Variants in PLCB4 observed in about 807,000 individuals in gnomAD.
PLCB4 encodes the protein phospholipase C beta 4, also known as 1-phosphatidylinositol 4,5-bisphosphate phosphodiesterase beta-4.
In PLCB4, 77 loss-of-function variants were observed where a neutral mutation model predicts 178.8. The ratio of observed to expected loss-of-function variants is 0.43; its 90% confidence interval spans 0.36 to 0.52. The LOEUF is 0.52. Ranked by LOEUF, PLCB4 falls within the 20% of genes least tolerant of loss-of-function variation. PLCB4 has a pLI of 0.00. For missense variants in PLCB4, 1,024 were observed against 1,453.4 expected, an observed-to-expected ratio of 0.70 and a Z score of 4.80; for synonymous variants, 496 against 490.8, an observed-to-expected ratio of 1.01 and a Z score of -0.14.
intron 3 of PLCB4, among the ~76,000 whole-genome samples, chr20:9,285,969 C>A (rs1316809907): frequency 6.6e-6 from 1 of 152,002 alleles, no homozygotes; most frequent in East Asian, 1.9e-4. Flanking sequence ...ACATTATAGG[C>A]ATGTCTGTTT....
rs528348609 is a variant in PLCB4, at chr20:9,193,898, G to A, written c.-78-23492G>A. Among the ~76,000 whole-genome samples, 5 of 152,122 alleles carry A rather than the reference G, an allele frequency of 3.3e-5. No homozygotes were observed. The South Asian group carries it at 1.0e-3, about 32-fold the overall frequency. On this transcript the variant is annotated intron_variant, in intron 2 of 39. Coordinates refer to ENST00000378473, the MANE Select transcript of PLCB4 (RefSeq NM_001377142.1). ...TTCATCTATATTCTAGGTTTTCTCA[G>A]TGTTAGACCATTAGACCTCATGATC... is the stretch of plus-strand genomic sequence containing the variant.
At chr20:9,439,588 G>A (rs933221517) in intron 30 of PLCB4, among the ~76,000 whole-genome samples, 1 of 152,174 alleles carries the variant, frequency 6.6e-6, no homozygotes, top group Admixed American at 6.5e-5. Context: ...GTATAGAAAA[G>A]CTTTGGAGTT....
At chr20:9,335,691 C>T (rs2032353751) in intron 4 of PLCB4, among the ~76,000 whole-genome samples, 1 of 152,094 alleles carries the variant, frequency 6.6e-6, no homozygotes, top group Non-Finnish European at 1.5e-5. Context: ...ACTTGTTAGA[C>T]AAGGATTCTG....
intron 4 of PLCB4, among the ~76,000 whole-genome samples, chr20:9,317,150 A>T (rs974205993): frequency 6.6e-6 from 1 of 152,240 alleles, no homozygotes; most frequent in African/African-American, 2.4e-5. Flanking sequence ...AAGACAAACA[A>T]TGCCACATAG....
intron 2 of PLCB4, among the ~76,000 whole-genome samples, chr20:9,134,572 C>T (rs1490869974): frequency 2.6e-5 from 4 of 151,930 alleles, no homozygotes; most frequent in African/African-American, 9.7e-5. Context: ...GATAGTGTGC[C>T]CAGAAAGACA....
At chr20:9,312,817 A>G (rs558367380) in intron 4 of PLCB4, among the ~76,000 whole-genome samples, 3 of 152,336 alleles carry the variant, frequency 2.0e-5, no homozygotes, top group African/African-American at 7.2e-5. Context: ...AGTTTTGTCA[A>G]TTAGATACAA....
intron 33 of PLCB4, 22 bp downstream of exon 33, chr20:9,453,484 T>C: frequency 7.4e-7 from 1 of 1,351,204 alleles, no homozygotes; most frequent in South Asian, 1.2e-5. Flanking sequence ...TATTTCCTTC[T>C]GAAGACTTTC....
rs905054494 is a variant in PLCB4, at chr20:9,358,777, C to G, written c.370-4119C>G. On this transcript the variant is annotated intron_variant, in intron 7 of 39. Transcript: ENST00000378473. ...AGCCGAGAGTGGTGGTGGGCACCCACAATCCCATCTACTCATGAGGCTGAG... is the reference window on the plus strand; with the variant it reads ...AGCCGAGAGTGGTGGTGGGCACCCAGAATCCCATCTACTCATGAGGCTGAG... 3.9e-5 allele frequency among the ~76,000 whole-genome samples: 6 copies of G among 152,052 alleles called. 1 individual carries two copies. Among genetic ancestry groups the G allele is most frequent in the African/African-American group, 1.4e-4 (6 of 41,402 alleles).
chr20:9,443,683 G>C (rs1229236383), intron 30 of PLCB4, among the ~76,000 whole-genome samples: 1 of 152,088 alleles, frequency 6.6e-6, no homozygotes. Flanking sequence ...CCTCTGCCCT[G>C]CTCCACTTCT....
At chr20:9,104,554 A>G (rs2091294676) in intron 2 of PLCB4, among the ~76,000 whole-genome samples, 1 of 152,154 alleles carries the variant, frequency 6.6e-6, no homozygotes, top group African/African-American at 2.4e-5. Context: ...TCAATTTCCT[A>G]GAACATAGCT....
At chr20:9,213,543 G>A (rs539385442) in intron 2 of PLCB4, among the ~76,000 whole-genome samples, 30 of 152,288 alleles carry the variant, frequency 2.0e-4, no homozygotes, top group East Asian at 1.5e-3. Context: ...CGTACTACAC[G>A]TTTTGTTAAT....
chr20:9,179,205 A>G (rs1019703044), intron 2 of PLCB4, among the ~76,000 whole-genome samples: 4 of 152,142 alleles, frequency 2.6e-5, no homozygotes, highest in African/African-American at 7.2e-5. Context: ...GTATTTTTCC[A>G]TTGTGCAGGT....
At chr20:9,351,029 A>G (rs1485972206) in intron 7 of PLCB4, among the ~76,000 whole-genome samples, 1 of 152,230 alleles carries the variant, frequency 6.6e-6, no homozygotes, top group African/African-American at 2.4e-5. Context: ...AGTGGCCTGA[A>G]AAAAGGATTC....
chr20:9,184,408 A>T (rs374720929), intron 2 of PLCB4, among the ~76,000 whole-genome samples: 1 of 151,184 alleles, frequency 6.6e-6, no homozygotes, highest in Admixed American at 6.6e-5. Context: ...TCCAGGTGAA[A>T]CCCCCAGCAT....
At chr20:9,365,064 C>T (rs1227827753) in intron 8 of PLCB4, among the ~76,000 whole-genome samples, 1 of 152,178 alleles carries the variant, frequency 6.6e-6, no homozygotes, top group Non-Finnish European at 1.5e-5. Context: ...GCAGACCAAT[C>T]ACAAATAAGT....
intron 3 of PLCB4, among the ~76,000 whole-genome samples, chr20:9,222,502 A>G (rs2093812354): frequency 6.6e-6 from 1 of 152,198 alleles, no homozygotes; most frequent in South Asian, 2.1e-4. Context: ...AACATAGAAC[A>G]TTTTGAATTT....
intron 21 of PLCB4, among the ~76,000 whole-genome samples, chr20:9,406,847 A>G (rs2039478760): frequency 2.0e-5 from 3 of 152,208 alleles, no homozygotes; most frequent in Admixed American, 2.0e-4. Context: ...GAATTTATCC[A>G]ACTAGATTCA....
chr20:9,449,033 A>G (rs1303127916), intron 32 of PLCB4, among the ~76,000 whole-genome samples: 1 of 152,174 alleles, frequency 6.6e-6, no homozygotes, highest in South Asian at 2.1e-4. Context: ...GCAATGATCA[A>G]CTGCATTTGA....
intron 20 of PLCB4, among the ~76,000 whole-genome samples, chr20:9,403,265 C>T (rs1323989776): frequency 1.3e-5 from 2 of 151,900 alleles, no homozygotes; most frequent in Non-Finnish European, 2.9e-5. Flanking sequence ...GTATTTGAAA[C>T]AATGGAAATA....
Sources: gnomAD v4.1 joint callset for allele counts (sites outside exome capture counted in the v4.1 genomes callset) on GRCh38, gnomAD v4.1.1 for gene constraint, MANE v1.5 for transcripts, NCBI Gene and HGNC (gene_info 2026-07-23, HGNC 2026-07-21) for gene names.